The following PHLDB2 variants were observed in gnomAD, a reference collection of about 807,000 sequenced individuals.
The protein encoded by PHLDB2 is pleckstrin homology like domain family B member 2.
A neutral mutation model predicts 123.6 loss-of-function variants in PHLDB2; 71 were observed. The observed-to-expected ratio is 0.57, with a 90% CI of 0.47 to 0.70. The LOEUF is 0.70. PHLDB2 is among the 30% of genes least tolerant of loss of function. The probability of loss-of-function intolerance (pLI) is 0.00; values close to 1 mark genes in which losing one functional copy is unlikely to be tolerated. For synonymous variants in PHLDB2, 547 were observed against 541.6 expected, an observed-to-expected ratio of 1.01 and a Z score of -0.14; for missense variants, 1,446 against 1,519.5, an observed-to-expected ratio of 0.95 and a Z score of 0.80.
chr3:111,964,216 G>A (rs539082823), intron 13 of PHLDB2, among the ~76,000 whole-genome samples: 2 of 152,216 alleles, frequency 1.3e-5, no homozygotes, highest in African/African-American at 4.8e-5. Flanking sequence ...ATGGCCACAC[G>A]TAACTACTTG....
chr3:111,761,014 G>A (rs140229522), intron 1 of PHLDB2, among the ~76,000 whole-genome samples: 9 of 151,866 alleles, frequency 5.9e-5, no homozygotes, highest in African/African-American at 1.4e-4. Context: ...GTGAAACCCC[G>A]TCTCTACTAA....
At chr3:111,896,540 T>A (rs991770104) in intron 2 of PHLDB2, among the ~76,000 whole-genome samples, 2 of 151,982 alleles carry the variant, frequency 1.3e-5, no homozygotes, top group African/African-American at 2.4e-5. Context: ...AGAGACGGGG[T>A]TTCGCCACGT....
At chr3:111,846,801 G>A (rs1267716001) in intron 2 of PHLDB2, among the ~76,000 whole-genome samples, 1 of 152,124 alleles carries the variant, frequency 6.6e-6, no homozygotes, top group African/African-American at 2.4e-5. Context: ...TATTGTGGGG[G>A]CTGGCTGGGA....
chr3:111,806,297 A>G (rs1171286250), intron 1 of PHLDB2, among the ~76,000 whole-genome samples: 1 of 152,084 alleles, frequency 6.6e-6, no homozygotes, highest in African/African-American at 2.4e-5. Context: ...CACACCAGAA[A>G]GTTCCCTCAC....
At chr3:111,914,723 T>G (rs546935971) in intron 3 of PHLDB2, 3 of 152,196 alleles carry the variant, frequency 2.0e-5, no homozygotes, top group Non-Finnish European at 2.9e-5. Context: ...ATTTTGACTT[T>G]ATTTGTATTT....
intron 2 of PHLDB2, among the ~76,000 whole-genome samples, chr3:111,893,734 T>A (rs1286511900): frequency 7.1e-6 from 1 of 141,770 alleles, no homozygotes; most frequent in African/African-American, 2.6e-5. Flanking sequence ...AATGTCATTT[T>A]AAATTTTTTT....
At chr3:111,911,697 G>A (rs774889420) in intron 2 of PHLDB2, 10 of 1,536,292 alleles carry the variant, frequency 6.5e-6, no homozygotes, top group Non-Finnish European at 7.0e-6. Context: ...TGCAGCTGGA[G>A]TCCAGAAGTT....
chr3:111,758,007 C>G (rs2059926263), intron 1 of PHLDB2, among the ~76,000 whole-genome samples: 1 of 152,100 alleles, frequency 6.6e-6, no homozygotes, highest in Non-Finnish European at 1.5e-5. Flanking sequence ...GTCAGTCTGC[C>G]CCTACTGGGG....
At chr3:111,780,299 AAGAGGAAGAGGAAGAG>A (rs2060369201) in intron 1 of PHLDB2, among the ~76,000 whole-genome samples, 3 of 1,946 alleles carry the variant, frequency 1.5e-3, no homozygotes, top group Non-Finnish European at 8.8e-3. Flanking sequence ...GAAGAAGAGG[AAGAGGAAGAGGAAGAG>A]GAAGAGGAAG....
intron 16 of PHLDB2, among the ~76,000 whole-genome samples, chr3:111,971,146 T>G (rs2072150334): frequency 6.6e-6 from 1 of 152,228 alleles, no homozygotes. Flanking sequence ...AGCAGCTTTC[T>G]TCAGTTAATA....
intron 2 of PHLDB2, among the ~76,000 whole-genome samples, chr3:111,899,370 A>G (rs1167319293): frequency 6.6e-6 from 1 of 152,198 alleles, no homozygotes; most frequent in African/African-American, 2.4e-5. Context: ...CTATCAACCC[A>G]TCACCTAGGT....
chr3:111,822,918 G>GTCTGGT (rs2062474938), intron 1 of PHLDB2, among the ~76,000 whole-genome samples: 1 of 152,194 alleles, frequency 6.6e-6, no homozygotes. Flanking sequence ...ATTATAACAT[G>GTCTGGT]TCTGGTTAAG....
chr3:111,770,849 A>C (rs868001322), intron 1 of PHLDB2, among the ~76,000 whole-genome samples: 6 of 152,236 alleles, frequency 3.9e-5, no homozygotes, highest in Non-Finnish European at 8.8e-5. Context: ...CTAGTCCCAG[A>C]GGGCTGGTCA....
At chr3:111,916,035 T>C (rs1336660950) in intron 3 of PHLDB2, 1 of 152,242 alleles carries the variant, frequency 6.6e-6, no homozygotes. Context: ...GTTAAAAACA[T>C]TAAGCTGTGT....
intron 1 of PHLDB2, among the ~76,000 whole-genome samples, chr3:111,792,519 A>G (rs540621774): frequency 2.0e-5 from 3 of 152,218 alleles, no homozygotes; most frequent in Admixed American, 2.0e-4. Context: ...CAGCCTGGGC[A>G]ACATAAGGAG....
intron 1 of PHLDB2, among the ~76,000 whole-genome samples, chr3:111,827,354 C>T (rs568559057): frequency 6.6e-6 from 1 of 152,278 alleles, no homozygotes; most frequent in Admixed American, 6.5e-5. Flanking sequence ...TACCTTCTGG[C>T]CAAATCCCAC....
chr3:111,821,447 G>A lies in PHLDB2; in HGVS notation c.-48-24374G>A, dbSNP rs528918875. Among the ~76,000 whole-genome samples, 9 of 152,318 alleles carry A rather than the reference G, an allele frequency of 5.9e-5. No homozygotes were observed. The South Asian group carries it at 1.9e-3, about 32-fold the overall frequency. ...GACTAGCAAATTCAAAATCTGGAGG[G>A]TAGGTCAGCAGTCTGGAGACCAGGG... is the stretch of plus-strand genomic sequence containing the variant. On this transcript the variant is annotated intron_variant, in intron 1 of 17. Coordinates refer to the PHLDB2 transcript ENST00000393923.
At chr3:111,735,363 C>G (rs780984908) in intron 1 of PHLDB2, among the ~76,000 whole-genome samples, 2 of 152,140 alleles carry the variant, frequency 1.3e-5, no homozygotes, top group East Asian at 1.9e-4. Flanking sequence ...ACAGCAGAAG[C>G]CTTAATCCGC....
chr3:111,758,230 G>C (rs184583786), intron 1 of PHLDB2, among the ~76,000 whole-genome samples: 6 of 152,266 alleles, frequency 3.9e-5, no homozygotes, highest in Admixed American at 3.9e-4. Flanking sequence ...AGGCAGGCAG[G>C]CCTCCTTGAG....
Sources: gnomAD v4.1 joint callset for allele counts (sites outside exome capture counted in the v4.1 genomes callset) on GRCh38, gnomAD v4.1.1 for gene constraint, MANE v1.5 for transcripts, NCBI Gene and HGNC (gene_info 2026-07-23, HGNC 2026-07-21) for gene names.